The following HAUS6 variants were observed in gnomAD, a reference collection of about 807,000 sequenced individuals.
HAUS6 encodes HAUS augmin-like complex subunit 6.
A neutral mutation model predicts 106.8 loss-of-function variants in HAUS6; 80 were observed. The observed-to-expected ratio is 0.75, with a 90% confidence interval of 0.63 to 0.90. The LOEUF (loss-of-function observed/expected upper bound fraction) is 0.90. Ranked by LOEUF, HAUS6 falls within the 40% of genes least tolerant of loss-of-function variation. HAUS6 has a pLI of 0.00. For synonymous variants in HAUS6, 356 were observed against 379.1 expected, an observed-to-expected ratio of 0.94 and a Z score of 0.71; for missense variants, 1,155 against 1,118.1, an observed-to-expected ratio of 1.03 and a Z score of -0.47.
At position 19,055,728 on chromosome 9, in the gene HAUS6, AATC is replaced by A. The variant is rs1322164828; in HGVS notation, c.*612_*614del. On this transcript the variant is annotated 3_prime_UTR_variant, in exon 17 of 17. Coordinates refer to ENST00000380502, the MANE Select transcript of HAUS6 (RefSeq NM_017645.5). ...AATCATTCTGCCCCAGTCTTCACTT[AATC>A]ATCACATGCACTTTATTCCATCAAA... The A allele has an allele frequency of 1.3e-5, 2 of 152,186 alleles. No homozygotes were observed. The highest frequency in any genetic ancestry group is 2.9e-5 in the Non-Finnish European group (2 of 68,042). 9.4% of individuals were successfully genotyped at this position (152,186 alleles called of 1,614,324 possible).
intron 12 of HAUS6, among the ~76,000 whole-genome samples, chr9:19,067,775 G>A (rs146169380): frequency 0.035 from 5,333 of 152,090 alleles, 114 homozygotes; most frequent in Non-Finnish European, 0.051. Flanking sequence ...CGCAACCTCC[G>A]CCACCTGGGT....
chr9:19,074,614 A>T (rs1280741926), intron 11 of HAUS6, among the ~76,000 whole-genome samples: 1 of 151,922 alleles, frequency 6.6e-6, no homozygotes, highest in African/African-American at 2.4e-5. Context: ...TTGCACCTAA[A>T]CTGAGCCTTG....
rs1434861566 is a variant in HAUS6 at position 19,056,092 on chromosome 9, G to A, written c.*251C>T. The A allele has an allele frequency of 1.8e-5, 7 of 385,516 alleles. No individual in the cohort carries two copies. The highest frequency in any genetic ancestry group is 3.2e-5 in the Non-Finnish European group (7 of 216,020). 23.9% of individuals were successfully genotyped at this position (385,516 alleles called of 1,614,324 possible). On this transcript the variant is annotated 3_prime_UTR_variant, in exon 17 of 17. Transcript: ENST00000380502. ...CAAGATTACTCAAGAAATCAAAATG[G>A]CTTCCCATTGCTTGACGTTTGTTGT...
intron 12 of HAUS6, among the ~76,000 whole-genome samples, chr9:19,067,841 C>A (rs890878307): frequency 1.3e-5 from 2 of 151,916 alleles, no homozygotes; most frequent in Admixed American, 1.3e-4. Context: ...TATAAGCATG[C>A]GCCACCACAC....
At chr9:19,078,533 A>T (rs1006304229) in intron 9 of HAUS6, among the ~76,000 whole-genome samples, 1 of 152,142 alleles carries the variant, frequency 6.6e-6, no homozygotes, top group Admixed American at 6.6e-5. Flanking sequence ...CATGCCTGTA[A>T]TCCCAGCAGT....
intron 11 of HAUS6, among the ~76,000 whole-genome samples, chr9:19,071,573 C>CTTTTT (rs34684530): frequency 9.1e-6 from 1 of 109,408 alleles, no homozygotes; most frequent in Admixed American, 9.8e-5. Context: ...AAAATATTTT[C>CTTTTT]TTTTTTTTTT....
intron 9 of HAUS6, 125 bp downstream of exon 9, chr9:19,080,354 A>C (rs10963942): frequency 3.1e-6 from 2 of 641,506 alleles, no homozygotes; most frequent in African/African-American, 3.7e-5. Flanking sequence ...ATTATGTAAG[A>C]TTTTTGAGTA....
chr9:19,096,457 C>G (rs557038431), intron 2 of HAUS6, among the ~76,000 whole-genome samples: 89 of 149,422 alleles, frequency 6.0e-4, no homozygotes, highest in African/African-American at 2.1e-3. Context: ...CCCAGCTACT[C>G]AGGATGCTGA....
rs770328829 is a variant in HAUS6, at chr9:19,089,380, A to C, written c.584+32T>G. ...TGGTGACATCTGTTCAAAAGAAAGA[A>C]ATTATTTTCTAACTATCAAGGTACT... On this transcript the variant is annotated intron_variant, in intron 5 of 16. Coordinates refer to ENST00000380502, the MANE Select transcript of HAUS6 (RefSeq NM_017645.5). 4 of 1,448,482 alleles carry C rather than the reference A, an allele frequency of 2.8e-6. No individual in the cohort carries two copies. The African/African-American group carries it at 5.6e-5, about 20-fold the overall frequency. The allele number at this position is 1,448,482 out of a possible 1,614,324, so 89.7% of individuals were successfully genotyped here. A position where few individuals can be genotyped will look rare whatever the true frequency, so the allele number is the denominator to read the frequency against.
At chr9:19,063,878 C>A in intron 12 of HAUS6, 1 of 510,578 alleles carries the variant, frequency 2.0e-6, no homozygotes, top group East Asian at 4.4e-5. Flanking sequence ...AACTTGAACA[C>A]AGGTTAAAAA....
At chr9:19,100,290 C>G (rs1817960577) in intron 1 of HAUS6, among the ~76,000 whole-genome samples, 1 of 152,146 alleles carries the variant, frequency 6.6e-6, no homozygotes. Context: ...CGCTTGAGCC[C>G]AGGAGATGGA....
chr9:19,077,548 A>C (rs1837037488), intron 10 of HAUS6, among the ~76,000 whole-genome samples: 1 of 152,102 alleles, frequency 6.6e-6, no homozygotes, highest in Non-Finnish European at 1.5e-5. Flanking sequence ...AAATAATAAT[A>C]ATAATTGTTT....
intron 4 of HAUS6, among the ~76,000 whole-genome samples, chr9:19,089,904 G>A (rs1000251034): frequency 2.0e-5 from 3 of 151,994 alleles, no homozygotes; most frequent in Non-Finnish European, 4.4e-5. Context: ...ACAAGCATAG[G>A]TCACTGCAGC....
intron 12 of HAUS6, among the ~76,000 whole-genome samples, chr9:19,068,204 G>C (rs992461659): frequency 6.6e-6 from 1 of 152,086 alleles, no homozygotes. Flanking sequence ...AAAAAGAACT[G>C]TGATATGAGT....
At chr9:19,099,016 T>G (rs1240986761) in intron 1 of HAUS6, among the ~76,000 whole-genome samples, 1 of 27,104 alleles carries the variant, frequency 3.7e-5, no homozygotes, top group African/African-American at 1.8e-4. Context: ...AAACTCCATC[T>G]CAAAAAAAAA....
chr9:19,060,285 A>C, intron 14 of HAUS6, 62 bp from the exon 15 acceptor site: 2 of 1,300,754 alleles, frequency 1.5e-6, no homozygotes, highest in Non-Finnish European at 2.1e-6. Context: ...ATGCAACAAA[A>C]CCCCTGATAA....
intron 2 of HAUS6, among the ~76,000 whole-genome samples, chr9:19,094,784 A>AC (rs1564021475): frequency 6.1e-4 from 93 of 152,116 alleles, no homozygotes; most frequent in African/African-American, 2.1e-3. Flanking sequence ...CTGTCTCAAA[A>AC]GAAAAAAAAA....
At chr9:19,078,327 T>A in intron 9 of HAUS6, 25 bp from the exon 10 acceptor site, 1 of 1,287,468 alleles carries the variant, frequency 7.8e-7, no homozygotes, top group Non-Finnish European at 1.1e-6. Flanking sequence ...AAAAACTTTA[T>A]TCAAAAGATG....
In HAUS6 at chr9:19,082,917, T is replaced by C; in HGVS notation, c.826A>G (p.Ile276Val). The C allele has an allele frequency of 6.5e-6, 10 of 1,531,224 alleles. No individual in the cohort carries two copies. The highest frequency in any genetic ancestry group is 8.8e-6 in the Non-Finnish European group (10 of 1,137,834). The allele number at this position is 1,531,224 out of a possible 1,614,324, so 94.9% of individuals were successfully genotyped here. Residue 276 changes from isoleucine (I) to valine (V), a missense_variant, in exon 8 of 17, where the codon ATT becomes GTT. Physicochemically the swap from Ile to Val is conservative, Grantham distance 29 (BLOSUM62 3). Around this residue, in one of 3 missense-constraint regions of HAUS6, gnomAD observed 761 missense variants for 690.0 expected, o/e 1.10. Transcript: ENST00000380502. ...ALDGTNVAIN[I>V]PRLLLDKIEK... ...ATTTTGTCAAGTAAGAGCCTTGGAATATTAATAGCAACATTAGTTCCATCT... is the reference window on the plus strand; with the variant it reads ...ATTTTGTCAAGTAAGAGCCTTGGAACATTAATAGCAACATTAGTTCCATCT...
Sources: gnomAD v4.1 joint callset for allele counts (sites outside exome capture counted in the v4.1 genomes callset) on GRCh38, gnomAD v4.1.1 for gene constraint, gnomAD v4.1.1 regional missense constraint, MANE v1.5 for transcripts, NCBI Gene and HGNC (gene_info 2026-07-23, HGNC 2026-07-21) for gene names.